SVIL: variants seen among roughly 807,000 people sequenced by gnomAD.
SVIL encodes supervillin.
SVIL carries 101 observed loss-of-function variants against 240.4 expected under a neutral mutation model. The ratio of observed to expected loss-of-function variants is 0.42; its 90% confidence interval spans 0.36 to 0.50. The LOEUF (loss-of-function observed/expected upper bound fraction) is 0.50. Ranked by LOEUF, SVIL falls within the 20% of genes least tolerant of loss-of-function variation. SVIL has a pLI of 0.01. For synonymous variants in SVIL, 999 were observed against 1,100.0 expected, an observed-to-expected ratio of 0.91 and a Z score of 1.82; for missense variants, 2,512 against 2,818.7, an observed-to-expected ratio of 0.89 and a Z score of 2.46.
chr10:29,514,354 G>C (rs976914042), intron 16 of SVIL, among the ~76,000 whole-genome samples: 1 of 151,928 alleles, frequency 6.6e-6, no homozygotes, highest in East Asian at 1.9e-4. Context: ...ATCCTGCCTC[G>C]GCCTCCAGAG....
intron 2 of SVIL, among the ~76,000 whole-genome samples, chr10:29,659,988 A>G (rs907179664): frequency 6.6e-6 from 1 of 152,104 alleles, no homozygotes; most frequent in East Asian, 1.9e-4. Context: ...CCTCTTATTG[A>G]ACCAGCCACA....
chr10:29,619,110 C>T (rs1490501685), intron 1 of SVIL, among the ~76,000 whole-genome samples: 2 of 152,132 alleles, frequency 1.3e-5, no homozygotes, highest in Admixed American at 6.5e-5. Context: ...AACTGGAAGC[C>T]GTGAAAATTC....
At chr10:29,542,584 GA>G (rs1326649787) in intron 6 of SVIL, among the ~76,000 whole-genome samples, 1 of 152,086 alleles carries the variant, frequency 6.6e-6, no homozygotes, top group East Asian at 1.9e-4. Context: ...GGGTATCTGA[GA>G]TGTTTTGATA....
chr10:29,507,756 G>C (rs1386021896), intron 17 of SVIL: 2 of 985,342 alleles, frequency 2.0e-6, no homozygotes, highest in Non-Finnish European at 2.4e-6. Context: ...CGACACAAAA[G>C]ACAGGTATTT....
chr10:29,676,907 C>A (rs1960248614), intron 2 of SVIL, among the ~76,000 whole-genome samples: 1 of 151,946 alleles, frequency 6.6e-6, no homozygotes, highest in South Asian at 2.1e-4. Flanking sequence ...GCCTTGGTAA[C>A]AACAGAGTTC....
At chr10:29,702,701 A>AGACCTTT (rs963851719) in intron 1 of SVIL, among the ~76,000 whole-genome samples, 20 of 150,776 alleles carry the variant, frequency 1.3e-4, no homozygotes, top group African/African-American at 4.7e-4. Context: ...CACAGCTCAC[A>AGACCTTT]GACCTTTGAC....
intron 1 of SVIL, among the ~76,000 whole-genome samples, chr10:29,624,808 T>C (rs1253753199): frequency 6.6e-6 from 1 of 152,212 alleles, no homozygotes; most frequent in Non-Finnish European, 1.5e-5. Flanking sequence ...CCACATATCT[T>C]AGGGCATCCA....
intron 1 of SVIL, among the ~76,000 whole-genome samples, chr10:29,721,328 T>C (rs1205773163): frequency 1.3e-5 from 2 of 151,962 alleles, no homozygotes; most frequent in Admixed American, 6.6e-5. Flanking sequence ...ACAAGATACA[T>C]AGAACACATA....
At chr10:29,637,968 A>C (rs1373312164), upstream of SVIL, among the ~76,000 whole-genome samples, 1 of 152,132 alleles carries the variant, frequency 6.6e-6, no homozygotes, top group Non-Finnish European at 1.5e-5. Context: ...GATGGGGATG[A>C]GGTGGTTTAA....
At chr10:29,464,929 T>C (rs1359331448) in intron 34 of SVIL, among the ~76,000 whole-genome samples, 1 of 152,202 alleles carries the variant, frequency 6.6e-6, no homozygotes, top group Non-Finnish European at 1.5e-5. Flanking sequence ...CACAGAGCCC[T>C]GACCTTGGGA....
chr10:29,534,364 G>A (rs1164358798), intron 7 of SVIL, among the ~76,000 whole-genome samples: 1 of 152,106 alleles, frequency 6.6e-6, no homozygotes, highest in Non-Finnish European at 1.5e-5. Context: ...ATATCTAGGT[G>A]CAGTGGCGTG....
intron 21 of SVIL, among the ~76,000 whole-genome samples, chr10:29,491,890 T>C (rs1299263448): frequency 6.6e-6 from 1 of 152,208 alleles, no homozygotes; most frequent in African/African-American, 2.4e-5. Context: ...AAATACTATT[T>C]TGAAGTAGAA....
Position 29,546,574 on chromosome 10 carries a change from C to T in SVIL, c.827+4023G>A, listed in dbSNP as rs531546749. 4.8e-3 allele frequency among the ~76,000 whole-genome samples: 724 copies of T among 151,770 alleles called. 3 individuals are homozygous for T. Among genetic ancestry groups the T allele is most frequent in the African/African-American group, 0.017 (701 of 41,394 alleles). ...AAAGACTGTTATTTTGCCTATAATG[C>T]TAATGAGTACAGTATAGTGAAGTAT... is the stretch of plus-strand genomic sequence containing the variant. On this transcript the variant is annotated intron_variant, in intron 6 of 37. Coordinates refer to ENST00000355867, the MANE Select transcript of SVIL (RefSeq NM_021738.3).
intron 17 of SVIL, 137 bp downstream of exon 17, chr10:29,512,598 C>T (rs2132490001): frequency 1.4e-6 from 2 of 1,445,444 alleles, no homozygotes; most frequent in Non-Finnish European, 1.9e-6. Context: ...CTGTGACAGA[C>T]TCTCAGTGTG....
rs1280208929 is a variant in SVIL at position 29,531,997 on chromosome 10, C to A, written c.2009+5G>T. On this transcript the variant is annotated splice_donor_5th_base_variant and intron_variant, in intron 9 of 37. Transcript: ENST00000355867. ...GATGAGGAAACTGCGCATACGCATG[C>A]CTACCTATCCGATTCCTTTCGTTCT... 1 of 1,614,088 alleles carries A rather than the reference C, an allele frequency of 6.2e-7. No homozygotes were observed. Among genetic ancestry groups the A allele is most frequent in the Admixed American group, 1.7e-5 (1 of 60,016 alleles).
chr10:29,535,408 T>C (rs552381640), intron 7 of SVIL, among the ~76,000 whole-genome samples: 4 of 152,346 alleles, frequency 2.6e-5, no homozygotes, highest in African/African-American at 4.8e-5. Flanking sequence ...AGAAACTCTG[T>C]GTGTGGAGCT....
intron 27 of SVIL, among the ~76,000 whole-genome samples, chr10:29,482,071 T>G (rs1214505773): frequency 6.7e-6 from 1 of 148,598 alleles, no homozygotes; most frequent in African/African-American, 2.5e-5. Flanking sequence ...TTCTGTTGCC[T>G]AGGCTGAAGT....
chr10:29,505,186 T>G (rs1361679433), intron 17 of SVIL, among the ~76,000 whole-genome samples: 1 of 151,624 alleles, frequency 6.6e-6, no homozygotes. Context: ...TTACCTGGGG[T>G]GTGGTGGCGG....
intron 1 of SVIL, among the ~76,000 whole-genome samples, chr10:29,591,932 T>C (rs1015767945): frequency 6.6e-6 from 1 of 152,254 alleles, no homozygotes; most frequent in African/African-American, 2.4e-5. Context: ...TTCTGGGTAC[T>C]GCTCTAATGC....
Sources: gnomAD v4.1 joint callset for allele counts (sites outside exome capture counted in the v4.1 genomes callset) on GRCh38, gnomAD v4.1.1 for gene constraint, MANE v1.5 for transcripts, NCBI Gene and HGNC (gene_info 2026-07-23, HGNC 2026-07-21) for gene names.